The following ZBTB20 variants were observed in gnomAD, a reference collection of about 807,000 sequenced individuals.
The protein encoded by ZBTB20 is zinc finger and BTB domain-containing protein 20.
In ZBTB20, 9 loss-of-function variants were observed where a neutral mutation model predicts 56.9. That is an observed-to-expected ratio of 0.16 (90% CI 0.10 to 0.28). The LOEUF (loss-of-function observed/expected upper bound fraction) is 0.28. Among genes scored for constraint, ZBTB20 ranks in the 10% least tolerant of loss-of-function variants. The pLI, the probability that ZBTB20 is intolerant of heterozygous loss-of-function variation, is 1.00. For missense variants in ZBTB20, 655 were observed against 1,003.0 expected (o/e 0.65, Z 4.69); for synonymous variants, 417 against 420.7 (o/e 0.99, Z 0.11).
chr3:114,410,232 T>C (rs1257060650), intron 7 of ZBTB20, among the ~76,000 whole-genome samples: 2 of 152,102 alleles, frequency 1.3e-5, no homozygotes, highest in African/African-American at 4.8e-5. Context: ...TTTTTTTTTC[T>C]GTTTGCTTAC....
intron 5 of ZBTB20, among the ~76,000 whole-genome samples, chr3:114,771,467 T>C (rs1465938513): frequency 6.6e-6 from 1 of 152,186 alleles, no homozygotes; most frequent in Non-Finnish European, 1.5e-5. Context: ...TCTTTCCTGT[T>C]TTTACTTGGG....
At chr3:114,691,879 GA>G (rs1477841164) in intron 6 of ZBTB20, among the ~76,000 whole-genome samples, 1 of 151,972 alleles carries the variant, frequency 6.6e-6, no homozygotes, top group African/African-American at 2.4e-5. Context: ...ATTTTAAAAT[GA>G]AAATAAATAT....
At chr3:115,146,626 C>T (rs2084984031) in intron 1 of ZBTB20, among the ~76,000 whole-genome samples, 1 of 152,186 alleles carries the variant, frequency 6.6e-6, no homozygotes, top group South Asian at 2.1e-4. Context: ...GGAGCTCCGG[C>T]GTCTGGAGAG....
intron 1 of ZBTB20, among the ~76,000 whole-genome samples, chr3:115,124,147 T>C (rs906913383): frequency 1.3e-5 from 2 of 152,224 alleles, no homozygotes; most frequent in African/African-American, 2.4e-5. Context: ...TGTTATTTCA[T>C]TGAGTAATTT....
intron 10 of ZBTB20, among the ~76,000 whole-genome samples, chr3:114,379,568 A>T (rs977561207): frequency 5.3e-5 from 8 of 152,346 alleles, no homozygotes; most frequent in African/African-American, 1.9e-4. Flanking sequence ...AATAGCGACG[A>T]TCTCATTAAG....
intron 6 of ZBTB20, among the ~76,000 whole-genome samples, chr3:114,587,269 T>A (rs981332823): frequency 1.3e-5 from 2 of 152,100 alleles, no homozygotes; most frequent in Non-Finnish European, 2.9e-5. Flanking sequence ...AGTGCTGGGA[T>A]TACAGGTGTG....
At chr3:114,726,749 A>G (rs1457946758) in intron 5 of ZBTB20, among the ~76,000 whole-genome samples, 1 of 151,912 alleles carries the variant, frequency 6.6e-6, no homozygotes, top group African/African-American at 2.4e-5. Context: ...CGTCTCTACT[A>G]AAAATACAAA....
At chr3:114,629,160 A>G (rs1183219537) in intron 6 of ZBTB20, among the ~76,000 whole-genome samples, 2 of 152,194 alleles carry the variant, frequency 1.3e-5, no homozygotes, top group Non-Finnish European at 2.9e-5. Flanking sequence ...TTTGGCTCTG[A>G]AATTTATTAT....
intron 5 of ZBTB20, among the ~76,000 whole-genome samples, chr3:114,786,559 G>A (rs1010745616): frequency 6.6e-6 from 1 of 151,912 alleles, no homozygotes; most frequent in Admixed American, 6.6e-5. Flanking sequence ...CAAGAGGAGT[G>A]GGGGAAAATA....
At chr3:114,511,418 G>C (rs1169529667) in intron 6 of ZBTB20, among the ~76,000 whole-genome samples, 1 of 152,078 alleles carries the variant, frequency 6.6e-6, no homozygotes, top group Non-Finnish European at 1.5e-5. Context: ...GACTTAAATG[G>C]ACAAGAAAAT....
At chr3:114,814,980 C>T (rs961363451) in intron 4 of ZBTB20, among the ~76,000 whole-genome samples, 6 of 152,140 alleles carry the variant, frequency 3.9e-5, no homozygotes, top group African/African-American at 1.2e-4. Context: ...TTCTATAGTA[C>T]TTCTAACAGA....
intron 8 of ZBTB20, 131 bp from the exon 9 acceptor site, chr3:114,381,071 A>C (rs2108532522): frequency 4.5e-6 from 1 of 222,566 alleles, no homozygotes; most frequent in East Asian, 9.0e-5. Context: ...ATAAAATTTC[A>C]AATCACAATT....
At chr3:114,690,332 A>C (rs1019490190) in intron 6 of ZBTB20, among the ~76,000 whole-genome samples, 3 of 152,130 alleles carry the variant, frequency 2.0e-5, no homozygotes, top group Non-Finnish European at 2.9e-5. Flanking sequence ...GTAACACATA[A>C]ATTCAGTTTA....
chr3:114,464,078 T>G (rs543035807), intron 7 of ZBTB20, among the ~76,000 whole-genome samples: 1 of 152,346 alleles, frequency 6.6e-6, no homozygotes, highest in African/African-American at 2.4e-5. Flanking sequence ...CAATTCCTGA[T>G]TTACACATCT....
intron 2 of ZBTB20, among the ~76,000 whole-genome samples, chr3:115,001,618 G>A (rs944414214): frequency 6.6e-6 from 1 of 150,862 alleles, no homozygotes; most frequent in African/African-American, 2.4e-5. Context: ...ATATTGAAAT[G>A]TAAAATTGAA....
chr3:114,568,641 C>T (rs11707178), intron 6 of ZBTB20, among the ~76,000 whole-genome samples: 14,199 of 152,138 alleles, frequency 0.093, 772 homozygotes, highest in African/African-American at 0.14. Flanking sequence ...TATTTACCTA[C>T]CAAATGCTTT....
chr3:114,952,188 C>T (rs1330127833), intron 3 of ZBTB20, among the ~76,000 whole-genome samples: 3 of 151,984 alleles, frequency 2.0e-5, no homozygotes, highest in Non-Finnish European at 4.4e-5. Flanking sequence ...GCCATTGTAA[C>T]AGTGTTGAGT....
chr3:114,564,883 C>A (rs914075025), intron 6 of ZBTB20, among the ~76,000 whole-genome samples: 1 of 152,176 alleles, frequency 6.6e-6, no homozygotes, highest in East Asian at 1.9e-4. Flanking sequence ...AATGACTATA[C>A]CATGAGAAAT....
chr3:114,575,441 A>G (rs1249987219), intron 6 of ZBTB20, among the ~76,000 whole-genome samples: 1 of 152,172 alleles, frequency 6.6e-6, no homozygotes, highest in East Asian at 1.9e-4. Context: ...CTTTGCCACA[A>G]TAAAAGCACA....
Sources: gnomAD v4.1 joint callset for allele counts (sites outside exome capture counted in the v4.1 genomes callset) on GRCh38, gnomAD v4.1.1 for gene constraint, MANE v1.5 for transcripts, NCBI Gene and HGNC (gene_info 2026-07-23, HGNC 2026-07-21) for gene names.